The following ITGB1BP1 variants were observed in gnomAD, a reference collection of about 807,000 sequenced individuals.
ITGB1BP1 encodes the protein integrin beta-1-binding protein 1.
Under a neutral mutation model 28.0 loss-of-function variants are expected in ITGB1BP1, and 20 were observed. That is an observed-to-expected ratio of 0.71 (90% CI 0.50 to 1.04). ITGB1BP1 has a LOEUF of 1.04. Ranked by LOEUF, ITGB1BP1 falls within the 50% of genes least tolerant of loss-of-function variation. ITGB1BP1 has a pLI of 0.00. For synonymous variants in ITGB1BP1, 103 were observed against 89.5 expected, an observed-to-expected ratio of 1.15 and a Z score of -0.85; for missense variants, 228 against 242.5, an observed-to-expected ratio of 0.94 and a Z score of 0.40.
chr2:9,413,348 A>G (rs1678706368), intron 3 of ITGB1BP1, among the ~76,000 whole-genome samples: 1 of 151,640 alleles, frequency 6.6e-6, no homozygotes, highest in Admixed American at 6.6e-5. Context: ...CTTTTTTTTG[A>G]GATGGAGTCT....
intron 3 of ITGB1BP1, 46 bp downstream of exon 3, chr2:9,414,132 A>G (rs764266026): frequency 6.7e-7 from 1 of 1,492,674 alleles, no homozygotes; most frequent in Non-Finnish European, 9.3e-7. Flanking sequence ...CCACGTGAAC[A>G]TCAATGAAAA....
At position 9,415,986 on chromosome 2, in the gene ITGB1BP1, A is replaced by G. The variant is rs554671555; in HGVS notation, c.73-1730T>C. Among the ~76,000 whole-genome samples the G allele has an allele frequency of 6.6e-6, 1 of 152,308 alleles. No individual in the cohort carries two copies. The highest frequency in any genetic ancestry group is 2.4e-5 in the African/African-American group (1 of 41,574). On this transcript the variant is annotated intron_variant, in intron 2 of 6. Transcript: ENST00000355346. This position sits in a 1 kb window ranked among gnomAD's most constrained non-coding sequence, Gnocchi z 4.1. ...AGGGGGCCTTGTGCGACCCTGCGAG[A>G]CGCCTCCTTCTGTGCTGTGCCTCAC...
upstream of ITGB1BP1, chr2:9,423,535 G>A: frequency 8.5e-7 from 1 of 1,169,888 alleles, no homozygotes; most frequent in East Asian, 3.5e-5. Flanking sequence ...CTATGCGCAG[G>A]CGCAGTCCTG....
At position 9,414,349 on chromosome 2, in the gene ITGB1BP1, G is replaced by A. The variant is rs939108829; in HGVS notation, c.73-93C>T. On this transcript the variant is annotated intron_variant, in intron 2 of 6. Transcript: ENST00000355346. ...CCCATTCACATCATTTATTAGAGTT[G>A]AGCTGACACATACAAAACCATGTCA... The A allele has an allele frequency of 1.2e-5, 10 of 847,670 alleles. No homozygotes were observed. The African/African-American group carries it at 1.7e-4, about 14-fold the overall frequency. 52.5% of individuals were successfully genotyped at this position (847,670 alleles called of 1,614,324 possible).
At chr2:9,419,687 C>T (rs1679559162) in intron 1 of ITGB1BP1, among the ~76,000 whole-genome samples, 1 of 152,190 alleles carries the variant, frequency 6.6e-6, no homozygotes, top group Admixed American at 6.5e-5. Flanking sequence ...GGCAAATTAA[C>T]TAACCTACAT....
Position 9,406,923 on chromosome 2 carries a change from TA to T in ITGB1BP1, c.532-19del. The T allele has an allele frequency of 6.3e-7, 1 of 1,579,040 alleles. No homozygotes were observed. Among genetic ancestry groups the T allele is most frequent in the Non-Finnish European group, 8.7e-7 (1 of 1,148,012 alleles). On this transcript the variant is annotated intron_variant, in intron 6 of 6. Transcript: ENST00000355346. The stretch of plus-strand genomic sequence containing the variant: ...GCTTGTTCCTACATTACATGAAAGA[TA>T]GAGTAAGAGCAACATTCATCTGTCT...
At chr2:9,411,933 T>C (rs1314085059) in intron 4 of ITGB1BP1, 1 of 206,106 alleles carries the variant, frequency 4.9e-6, no homozygotes, top group Non-Finnish European at 9.6e-6. Context: ...TCCCAGCTAC[T>C]TGAGAGGCTG....
At chr2:9,422,511 CT>C in intron 1 of ITGB1BP1, 1 of 985,552 alleles carries the variant, frequency 1.0e-6, no homozygotes, top group South Asian at 4.7e-5. Context: ...GCAGGCCTTC[CT>C]GGGATCTCAA....
intron 3 of ITGB1BP1, among the ~76,000 whole-genome samples, chr2:9,413,349 G>T (rs573700153): frequency 6.6e-6 from 1 of 151,650 alleles, no homozygotes; most frequent in Non-Finnish European, 1.5e-5. Context: ...TTTTTTTTGA[G>T]ATGGAGTCTT....
intron 1 of ITGB1BP1, chr2:9,420,243 A>C (rs4479399): frequency 0.19 from 29,568 of 153,796 alleles, 3,043 homozygotes; most frequent in Middle Eastern, 0.29. Flanking sequence ...AAGTCTGACC[A>C]CTGAGCCCAA....
intron 4 of ITGB1BP1, among the ~76,000 whole-genome samples, chr2:9,410,075 G>T (rs956241284): frequency 7.2e-5 from 11 of 152,122 alleles, no homozygotes; most frequent in African/African-American, 2.7e-4. Flanking sequence ...TCTATCTCCT[G>T]ACCTCATGAT....
chr2:9,406,589 C>CT lies in ITGB1BP1; in HGVS notation c.*244dup. On this transcript the variant is annotated 3_prime_UTR_variant, in exon 7 of 7. Coordinates refer to ENST00000355346, the MANE Select transcript of ITGB1BP1 (RefSeq NM_004763.5). ...AGGCTTCTGTGACACTTAGGTTAAG[C>CT]TTATTAGAAGTTGAAAAAGACAAAT... The CT allele has an allele frequency of 2.0e-6, 1 of 503,130 alleles. No homozygotes were observed. The highest frequency in any genetic ancestry group is 3.6e-6 in the Non-Finnish European group (1 of 278,132). 31.2% of individuals were successfully genotyped at this position (503,130 alleles called of 1,614,324 possible).
In ITGB1BP1 at chr2:9,405,353, T is replaced by C. The variant is rs1677128871; in HGVS notation, c.*1481A>G. 6.6e-6 allele frequency: 1 copy of C among 152,644 alleles called. No homozygotes were observed. The highest frequency in any genetic ancestry group is 6.5e-5 in the Admixed American group (1 of 15,282). The allele number at this position is 152,644 out of a possible 1,614,324, so 9.5% of individuals were successfully genotyped here. A position where few individuals can be genotyped will look rare whatever the true frequency, so the allele number is the denominator to read the frequency against. On this transcript the variant is annotated 3_prime_UTR_variant, in exon 7 of 7. Transcript: ENST00000355346. ...AAGTTTATGTTTCATGAACTGCAGC[T>C]GCAGGATTCTGGCATTTTGCATGCC...
chr2:9,407,442 G>A lies in ITGB1BP1; in HGVS notation c.531+7C>T, dbSNP rs1408277011. 2 of 1,614,016 alleles carry A rather than the reference G, an allele frequency of 1.2e-6. No individual in the cohort carries two copies. The highest frequency in any genetic ancestry group is 1.7e-6 in the Non-Finnish European group (2 of 1,180,030). On this transcript the variant is annotated splice_region_variant and intron_variant, in intron 6 of 6. Coordinates refer to ENST00000355346, the MANE Select transcript of ITGB1BP1 (RefSeq NM_004763.5). Reference sequence around the variant, plus strand: ...GCAAGCAGCTAACCAAAGTAACGAAGTCTCACCAGGCTGTTGCACTGATAA... The same window carrying A: ...GCAAGCAGCTAACCAAAGTAACGAAATCTCACCAGGCTGTTGCACTGATAA...
chr2:9,420,654 A>C (rs549126533), intron 1 of ITGB1BP1, among the ~76,000 whole-genome samples: 1 of 152,194 alleles, frequency 6.6e-6, no homozygotes, highest in Non-Finnish European at 1.5e-5. Flanking sequence ...GGAACAGTCA[A>C]GGCTGTCCGG....
intron 4 of ITGB1BP1, 75 bp from the exon 5 acceptor site, chr2:9,408,280 G>A: frequency 1.1e-6 from 1 of 911,778 alleles, no homozygotes; most frequent in Non-Finnish European, 1.8e-6. Flanking sequence ...GTCACTTTGA[G>A]TATCTGGCCA....
At chr2:9,406,977 G>A (rs1677501290) in intron 6 of ITGB1BP1, 72 bp from the exon 7 acceptor site, 3 of 1,128,336 alleles carry the variant, frequency 2.7e-6, no homozygotes, top group Non-Finnish European at 4.1e-6. Flanking sequence ...GGCTAGCAGA[G>A]GCACACACCT....
intron 1 of ITGB1BP1, chr2:9,422,776 T>A (rs1572752442): frequency 1.0e-6 from 1 of 985,760 alleles, no homozygotes; most frequent in East Asian, 1.1e-4. Flanking sequence ...GGTGCACAGA[T>A]CCCTCTCACC....
rs1677089444 is a variant in ITGB1BP1 at position 9,404,957 on chromosome 2, TCA to T, written c.*1875_*1876del. 1 of 152,616 alleles carries T rather than the reference TCA, an allele frequency of 6.6e-6. No individual in the cohort carries two copies. 9.5% of individuals were successfully genotyped at this position (152,616 alleles called of 1,614,324 possible). Reference sequence around the variant, plus strand: ...TGTTTGAACCCTTCATTTAATTTTCTCATAGATTTAAGTAAACAGATGTATTT... The same window carrying T: ...TGTTTGAACCCTTCATTTAATTTTCTTAGATTTAAGTAAACAGATGTATTT... On this transcript the variant is annotated 3_prime_UTR_variant, in exon 7 of 7. Coordinates refer to ENST00000355346, the MANE Select transcript of ITGB1BP1 (RefSeq NM_004763.5).
Sources: allele counts gnomAD v4.1 joint callset (sites outside exome capture counted in the v4.1 genomes callset), GRCh38; gene constraint gnomAD v4.1.1; non-coding constraint Gnocchi (gnomAD v3.1); transcripts MANE v1.5; gene names NCBI Gene and HGNC (gene_info 2026-07-23, HGNC 2026-07-21).